Variants in KCNMA1 observed in about 807,000 individuals in gnomAD.
The protein encoded by KCNMA1 is Calcium-activated potassium channel subunit alpha-1.
Under a neutral mutation model 140.0 loss-of-function variants are expected in KCNMA1, and 29 were observed. The ratio of observed to expected loss-of-function variants is 0.21; its 90% CI spans 0.15 to 0.28. KCNMA1 has a LOEUF of 0.28. KCNMA1 is among the 10% of genes least tolerant of loss of function. KCNMA1 has a pLI of 1.00. For missense variants in KCNMA1, 880 were observed against 1,602.2 expected (o/e 0.55, Z 7.70); for synonymous variants, 612 against 611.9 (o/e 1.00, Z 0.00).
At chr10:77,518,018 G>A (rs905020570) in intron 1 of KCNMA1, among the ~76,000 whole-genome samples, 30 of 152,128 alleles carry the variant, frequency 2.0e-4, no homozygotes, top group African/African-American at 6.5e-4. Flanking sequence ...AGCCAGCCTC[G>A]TTCCCTCCCC....
chr10:76,893,483 C>A (rs1158584457), intron 25 of KCNMA1, among the ~76,000 whole-genome samples: 1 of 152,150 alleles, frequency 6.6e-6, no homozygotes, highest in Admixed American at 6.5e-5. Context: ...AATCCCAGAA[C>A]TTTGGTAGGC....
chr10:77,295,625 C>T (rs1482649402), intron 2 of KCNMA1, among the ~76,000 whole-genome samples: 1 of 149,716 alleles, frequency 6.7e-6, no homozygotes, highest in Admixed American at 6.6e-5. Context: ...ACTAAAAATA[C>T]AAAAAATTAG....
chr10:77,637,156 CG>C, intron 1 of KCNMA1, 108 bp downstream of exon 1: 1 of 1,250,050 alleles, frequency 8.0e-7, no homozygotes, highest in Non-Finnish European at 1.1e-6. Context: ...GGAAGGCAGG[CG>C]GGGATGGAGG....
chr10:77,373,178 T>C (rs959446520), intron 2 of KCNMA1, among the ~76,000 whole-genome samples: 3 of 152,210 alleles, frequency 2.0e-5, no homozygotes, highest in Admixed American at 6.5e-5. Flanking sequence ...TGTAAACTCA[T>C]GCTGCCATCT....
chr10:77,222,939 T>C (rs572882694), intron 3 of KCNMA1, among the ~76,000 whole-genome samples: 26 of 152,282 alleles, frequency 1.7e-4, no homozygotes, highest in Admixed American at 1.2e-3. Flanking sequence ...ATAAAGAATT[T>C]TAATTTGGGG....
At chr10:77,298,768 C>T (rs1049488547) in intron 2 of KCNMA1, among the ~76,000 whole-genome samples, 1 of 152,192 alleles carries the variant, frequency 6.6e-6, no homozygotes, top group Non-Finnish European at 1.5e-5. Context: ...CGGCATCCAG[C>T]AGAGTTCTTT....
At chr10:77,275,799 G>C (rs1444029802) in intron 2 of KCNMA1, among the ~76,000 whole-genome samples, 9 of 152,214 alleles carry the variant, frequency 5.9e-5, no homozygotes, top group African/African-American at 2.2e-4. Context: ...CTGAGAACCA[G>C]GAGAAAAGGA....
chr10:77,247,531 C>A (rs2058795897), intron 3 of KCNMA1, among the ~76,000 whole-genome samples: 1 of 152,038 alleles, frequency 6.6e-6, no homozygotes, highest in Non-Finnish European at 1.5e-5. Context: ...CTTTGCTTCA[C>A]AAGGATCAGA....
chr10:77,308,021 A>C (rs1021820499), intron 2 of KCNMA1, among the ~76,000 whole-genome samples: 4 of 152,214 alleles, frequency 2.6e-5, no homozygotes, highest in African/African-American at 9.7e-5. Flanking sequence ...TTTTCCAAAA[A>C]GACTTTAAGC....
intron 19 of KCNMA1, among the ~76,000 whole-genome samples, chr10:76,984,562 TATCA>T (rs957010092): frequency 3.0e-4 from 46 of 152,190 alleles, no homozygotes; most frequent in African/African-American, 9.7e-4. Flanking sequence ...TAATTCAGTA[TATCA>T]ATCAGTCACT....
At chr10:77,277,096 T>G (rs773106879) in intron 2 of KCNMA1, among the ~76,000 whole-genome samples, 1 of 152,194 alleles carries the variant, frequency 6.6e-6, no homozygotes, top group Non-Finnish European at 1.5e-5. Context: ...CCCTGAGATG[T>G]GCTCAGCAAG....
In KCNMA1 at chr10:77,637,281, C is replaced by A. The variant is rs1292763456; in HGVS notation, c.362G>T (p.Cys121Phe). 1 of 1,608,818 alleles carries A rather than the reference C, an allele frequency of 6.2e-7. No homozygotes were observed. The highest frequency in any genetic ancestry group is 8.5e-7 in the Non-Finnish European group (1 of 1,176,736). The change falls in exon 1 of 28, where the codon TGC becomes TTC. Residue 121 changes from cysteine (C) to phenylalanine (F), a missense_variant. Cys to Phe is a radical substitution (Grantham distance 205). Around this residue, in one of 13 missense-constraint regions of KCNMA1, gnomAD observed 54 missense variants for 56.4 expected, o/e 0.96. Coordinates refer to ENST00000286628, the MANE Select transcript of KCNMA1 (RefSeq NM_001161352.2). ...LKYLWTVCCH[C>F]GGKTKEAQKI... Reference sequence around the variant, plus strand: ...GCGCGTTACCTTCGTCTTGCCCCCGCAGTGGCAGCACACGGTCCACAGGTA... The same window carrying A: ...GCGCGTTACCTTCGTCTTGCCCCCGAAGTGGCAGCACACGGTCCACAGGTA...
chr10:77,428,997 T>C (rs928674228), intron 1 of KCNMA1, among the ~76,000 whole-genome samples: 11 of 152,138 alleles, frequency 7.2e-5, no homozygotes, highest in African/African-American at 2.7e-4. Context: ...TCTTCTCAAC[T>C]AGCCACCAGC....
rs570004329 is a variant in KCNMA1, at chr10:77,612,830, A to G, written c.378+24435T>C. 1.1e-4 allele frequency among the ~76,000 whole-genome samples: 16 copies of G among 152,140 alleles called. 1 individual carries two copies. In the South Asian group the frequency reaches 3.1e-3, roughly 30 times the overall value. ...TGACACACCTCCTTGCCCCAAAACA[A>G]AACAGTGAAAATGAACAATCCCCTC... On this transcript the variant is annotated intron_variant, in intron 1 of 27. Coordinates refer to ENST00000286628, the MANE Select transcript of KCNMA1 (RefSeq NM_001161352.2).
chr10:76,914,055 A>T, intron 24 of KCNMA1: 1 of 1,547,386 alleles, frequency 6.5e-7, no homozygotes, highest in East Asian at 2.4e-5. Flanking sequence ...AGTGCTTCTT[A>T]CCCAGTTCAG....
At chr10:77,523,206 C>CCCT (rs1320294924) in intron 1 of KCNMA1, among the ~76,000 whole-genome samples, 1 of 148,454 alleles carries the variant, frequency 6.7e-6, no homozygotes, top group South Asian at 2.2e-4. Context: ...TGGACGTGCC[C>CCCT]CCCCCCCTTG....
At chr10:77,457,590 A>G (rs1160053562) in intron 1 of KCNMA1, among the ~76,000 whole-genome samples, 3 of 151,600 alleles carry the variant, frequency 2.0e-5, no homozygotes, top group African/African-American at 4.9e-5. Context: ...CTGCCTCTCC[A>G]TTTTTTGCTT....
intron 3 of KCNMA1, among the ~76,000 whole-genome samples, chr10:77,238,025 T>C (rs1452730176): frequency 6.6e-6 from 1 of 152,208 alleles, no homozygotes; most frequent in African/African-American, 2.4e-5. Flanking sequence ...TCGCCTTCCC[T>C]GCACCAATTA....
intron 1 of KCNMA1, among the ~76,000 whole-genome samples, chr10:77,624,862 G>A (rs2092236424): frequency 6.6e-6 from 1 of 151,996 alleles, no homozygotes; most frequent in Non-Finnish European, 1.5e-5. Flanking sequence ...TGCTCTCAAT[G>A]TGGGCAGGGC....
Sources: gnomAD v4.1 joint callset for allele counts (sites outside exome capture counted in the v4.1 genomes callset) on GRCh38, gnomAD v4.1.1 for gene constraint, gnomAD v4.1.1 regional missense constraint, MANE v1.5 for transcripts, NCBI Gene and HGNC (gene_info 2026-07-23, HGNC 2026-07-21) for gene names.